ZNF292: variants seen among roughly 807,000 people sequenced by gnomAD.
The protein encoded by ZNF292 is zinc finger protein 292.
A neutral mutation model predicts 217.9 loss-of-function variants in ZNF292; 26 were observed. That is an observed-to-expected ratio of 0.12 (90% CI 0.09 to 0.17). ZNF292 has a LOEUF of 0.17. Ranked by LOEUF, ZNF292 falls within the 10% of genes least tolerant of loss-of-function variation. The pLI, the probability that ZNF292 is intolerant of heterozygous loss-of-function variation, is 1.00. For missense variants in ZNF292, 2,904 were observed against 3,175.2 expected (o/e 0.91, Z 2.05); for synonymous variants, 1,257 against 1,124.1 (o/e 1.12, Z -2.37).
chr6:87,205,736 CCTCT>C, intron 1 of ZNF292, among the ~76,000 whole-genome samples: 1 of 151,776 alleles, frequency 6.6e-6, no homozygotes, highest in African/African-American at 2.4e-5. Flanking sequence ...TTTTGTTGAC[CCTCT>C]CTGTGTGTTT....
intron 4 of ZNF292, among the ~76,000 whole-genome samples, chr6:87,222,023 A>G (rs961907557): frequency 6.6e-6 from 1 of 152,302 alleles, no homozygotes; most frequent in South Asian, 2.1e-4. Flanking sequence ...TGTCTTCTCA[A>G]TCTACGTTTG....
chr6:87,181,851 T>C (rs1342056639), intron 1 of ZNF292, among the ~76,000 whole-genome samples: 2 of 152,080 alleles, frequency 1.3e-5, no homozygotes, highest in African/African-American at 4.8e-5. Context: ...CCAGCTAATT[T>C]TTTTTTATTT....
chr6:87,191,673 T>C (rs1247461903), intron 1 of ZNF292, among the ~76,000 whole-genome samples: 1 of 152,208 alleles, frequency 6.6e-6, no homozygotes, highest in Non-Finnish European at 1.5e-5. Context: ...TTTTATTTTA[T>C]TTATTTATTT....
rs1285196766 is a variant in ZNF292, at chr6:87,263,297, CATT to C, written c.*1497_*1499del. ...TGTTTCTGTTTGCCGTAAATAGTAA[CATT>C]GTTTTTTTTTATTTTGTGTTTGTTA... On this transcript the variant is annotated 3_prime_UTR_variant, in exon 8 of 8. Coordinates refer to ENST00000369577, the MANE Select transcript of ZNF292 (RefSeq NM_015021.3). 1 of 151,794 alleles carries C rather than the reference CATT, an allele frequency of 6.6e-6. No individual in the cohort carries two copies. The highest frequency in any genetic ancestry group is 2.4e-5 in the African/African-American group (1 of 41,350). 9.4% of individuals were successfully genotyped at this position (151,794 alleles called of 1,614,324 possible).
intron 4 of ZNF292, among the ~76,000 whole-genome samples, chr6:87,232,852 A>C (rs1426914554): frequency 6.6e-6 from 1 of 152,090 alleles, no homozygotes; most frequent in African/African-American, 2.4e-5. Flanking sequence ...AAAATGAAAA[A>C]TATACCATCA....
intron 4 of ZNF292, among the ~76,000 whole-genome samples, chr6:87,224,263 A>G (rs554177780): frequency 6.6e-6 from 1 of 152,148 alleles, no homozygotes; most frequent in East Asian, 1.9e-4. Context: ...ATACATTTGT[A>G]ATATAGTTAT....
In ZNF292 at chr6:87,261,469, C is replaced by T. The variant is rs1775593609; in HGVS notation, c.7840C>T (p.His2614Tyr). 1.2e-6 allele frequency: 2 copies of T among 1,604,170 alleles called. No individual in the cohort carries two copies. Among genetic ancestry groups the T allele is most frequent in the Non-Finnish European group, 1.7e-6 (2 of 1,174,808 alleles). Reference protein sequence around the residue: ...VKQKKNTDKDHPNTGNKKGSH... With the variant: ...VKQKKNTDKDYPNTGNKKGSH... ...GCAGAAGAAAAATACTGACAAAGAC[C>T]ATCCGAATACTGGAAACAAAAAAGG... Residue 2614 changes from histidine (H) to tyrosine (Y), a missense_variant, in exon 8 of 8, where the codon CAT becomes TAT. Coordinates refer to ENST00000369577, the MANE Select transcript of ZNF292 (RefSeq NM_015021.3).
intron 1 of ZNF292, among the ~76,000 whole-genome samples, chr6:87,201,075 T>C (rs1772086627): frequency 6.6e-6 from 1 of 152,154 alleles, no homozygotes; most frequent in Non-Finnish European, 1.5e-5. Context: ...AGAGATGATA[T>C]AAAGGCAACA....
intron 4 of ZNF292, among the ~76,000 whole-genome samples, chr6:87,226,213 T>TC (rs1236339474): frequency 6.6e-6 from 1 of 152,126 alleles, no homozygotes; most frequent in Non-Finnish European, 1.5e-5. Context: ...TTCTCTTTTT[T>TC]CCCCCCAGAA....
In ZNF292 at chr6:87,257,342, CCTT is replaced by C; in HGVS notation, c.3714_3716del (p.Leu1239del). 6.2e-7 allele frequency: 1 copy of C among 1,613,690 alleles called. No individual in the cohort carries two copies. Among genetic ancestry groups the C allele is most frequent in the Non-Finnish European group, 8.5e-7 (1 of 1,179,758 alleles). ...CAAATGGAAAATTTACCTAGTACTGCCTTGCCAGCACAAATGGAAGATCTAACC... is the reference window on the plus strand; with the variant it reads ...CAAATGGAAAATTTACCTAGTACTGCGCCAGCACAAATGGAAGATCTAACC... On this transcript the variant is annotated inframe_deletion, in exon 8 of 8. Transcript: ENST00000369577.
chr6:87,258,383 G>A lies in ZNF292; in HGVS notation c.4754G>A (p.Cys1585Tyr). The change falls in exon 8 of 8, where the codon TGC (cysteine) becomes TAC (tyrosine). Residue 1585 changes from cysteine to tyrosine, a missense_variant. This residue lies in a region of ZNF292 where 622 missense variants were observed against 573.1 expected (regional missense o/e 1.09). Coordinates refer to ENST00000369577, the MANE Select transcript of ZNF292 (RefSeq NM_015021.3). Reference sequence around the variant, plus strand: ...CTGAAGACTGTTGAAAATGGTTTGTGCTCTAGTTCATTTCCTAATTCTGGT... The same window carrying A: ...CTGAAGACTGTTGAAAATGGTTTGTACTCTAGTTCATTTCCTAATTCTGGT... ...LLLKTVENGLCSSSFPNSGGP... is the reference protein window; with the variant it reads ...LLLKTVENGLYSSSFPNSGGP... 1 of 1,613,612 alleles carries A rather than the reference G, an allele frequency of 6.2e-7. No homozygotes were observed. Among genetic ancestry groups the A allele is most frequent in the Non-Finnish European group, 8.5e-7 (1 of 1,179,764 alleles).
chr6:87,172,901 CA>C (rs200508862), intron 1 of ZNF292, among the ~76,000 whole-genome samples: 12,163 of 125,278 alleles, frequency 0.097, 777 homozygotes, highest in African/African-American at 0.21. Context: ...GACTCTGTCT[CA>C]AAAAAAAAAA....
chr6:87,187,873 T>TAG (rs1771712435), intron 1 of ZNF292, among the ~76,000 whole-genome samples: 1 of 152,154 alleles, frequency 6.6e-6, no homozygotes, highest in Non-Finnish European at 1.5e-5. Context: ...ATGACTTGGA[T>TAG]AGAGAAAGGA....
chr6:87,245,106 C>T (rs1774504087), intron 6 of ZNF292, among the ~76,000 whole-genome samples: 1 of 151,892 alleles, frequency 6.6e-6, no homozygotes, highest in South Asian at 2.1e-4. Context: ...CCAGGCATGG[C>T]AGTGCGCGCC....
intron 1 of ZNF292, among the ~76,000 whole-genome samples, chr6:87,210,402 A>G (rs1772434693): frequency 6.6e-6 from 1 of 152,156 alleles, no homozygotes; most frequent in South Asian, 2.1e-4. Context: ...ACCGCAAGAA[A>G]CAGTGTGTTA....
chr6:87,177,157 G>A (rs898601621), intron 1 of ZNF292, among the ~76,000 whole-genome samples: 4 of 152,052 alleles, frequency 2.6e-5, no homozygotes, highest in Non-Finnish European at 5.9e-5. Flanking sequence ...GTGAAAACCC[G>A]TCTTTACTAA....
chr6:87,265,075 A>G lies in ZNF292; in HGVS notation c.*3274A>G, dbSNP rs559144471. Among the ~76,000 whole-genome samples the G allele has an allele frequency of 1.3e-5, 2 of 151,964 alleles. No individual in the cohort carries two copies. Among genetic ancestry groups the G allele is most frequent in the South Asian group, 2.1e-4 (1 of 4,806 alleles). Reference sequence around the variant, plus strand: ...TGCTGTGATGAAATAAGTTTTCTAAATTGTGTGCTGTAGTTCTCTCTCTCT... The same window carrying G: ...TGCTGTGATGAAATAAGTTTTCTAAGTTGTGTGCTGTAGTTCTCTCTCTCT... On this transcript the variant is annotated 3_prime_UTR_variant, in exon 8 of 8. Transcript: ENST00000369577.
Position 87,187,097 on chromosome 6 carries a change from C to A in ZNF292, c.169-28806C>A, listed in dbSNP as rs544637257. Among the ~76,000 whole-genome samples, 3 of 152,180 alleles carry A rather than the reference C, an allele frequency of 2.0e-5. No homozygotes were observed. The East Asian group carries it at 5.8e-4, about 29-fold the overall frequency. ...TTTTTTCCTCACTTCAGTGACATTG[C>A]GTTTAATTTCTAATCTTAAGACAAA... On this transcript the variant is annotated intron_variant, in intron 1 of 7. Transcript: ENST00000369577.
At chr6:87,179,540 A>C (rs1771404743) in intron 1 of ZNF292, among the ~76,000 whole-genome samples, 1 of 152,156 alleles carries the variant, frequency 6.6e-6, no homozygotes, top group Admixed American at 6.6e-5. Flanking sequence ...GTGGTCTTCA[A>C]ATTTTTTAAT....
Sources: gnomAD v4.1 joint callset for allele counts (sites outside exome capture counted in the v4.1 genomes callset) on GRCh38, gnomAD v4.1.1 for gene constraint, gnomAD v4.1.1 regional missense constraint, MANE v1.5 for transcripts, NCBI Gene and HGNC (gene_info 2026-07-23, HGNC 2026-07-21) for gene names.